Variants in ACSF3 observed in about 807,000 individuals in gnomAD.
The protein encoded by ACSF3 is malonate--CoA ligase ACSF3, mitochondrial.
Under a neutral mutation model 53.2 loss-of-function variants are expected in ACSF3, and 78 were observed. The ratio of observed to expected loss-of-function variants is 1.47; its 90% CI spans 1.22 to 1.77. The LOEUF is 1.77. Ranked by LOEUF, ACSF3 falls within the 40% of genes most tolerant of loss-of-function variation. ACSF3 has a pLI of 0.00. For synonymous variants in ACSF3, 414 were observed against 333.1 expected (o/e 1.24, Z -2.65); for missense variants, 937 against 771.1 (o/e 1.22, Z -2.55).
chr16:89,101,297 A>G lies in ACSF3; in HGVS notation c.616A>G (p.Thr206Ala), dbSNP rs1158285730. 1.9e-6 allele frequency: 3 copies of G among 1,602,800 alleles called. No individual in the cohort carries two copies. The highest frequency in any genetic ancestry group is 2.6e-6 in the Non-Finnish European group (3 of 1,175,230). ...GAMIIYTSGT[T>A]GRPKGVLSTH... ...CATGATCATCTACACCAGTGGGACCACGGGGAGGCCCAAGGGCGTGCTGAG... is the reference window on the plus strand; with the variant it reads ...CATGATCATCTACACCAGTGGGACCGCGGGGAGGCCCAAGGGCGTGCTGAG... The change falls in exon 3 of 11, where the codon ACG becomes GCG. Residue 206 changes from threonine to alanine, a missense_variant. Physicochemically the swap from Thr to Ala is moderately conservative, Grantham distance 58. Coordinates refer to ENST00000614302, the MANE Select transcript of ACSF3 (RefSeq NM_001243279.3).
intron 4 of ACSF3, among the ~76,000 whole-genome samples, chr16:89,103,766 C>G (rs545978505): frequency 2.6e-5 from 4 of 152,224 alleles, no homozygotes; most frequent in Admixed American, 2.0e-4. Context: ...TGTGGAGTCT[C>G]TGTCTCCCCT....
At chr16:89,097,789 T>C (rs1294124753) in intron 1 of ACSF3, among the ~76,000 whole-genome samples, 2 of 152,224 alleles carry the variant, frequency 1.3e-5, no homozygotes, top group East Asian at 3.9e-4. Flanking sequence ...TTCTAGAACA[T>C]GGGTGCCTCG....
chr16:89,154,831 A>G lies in ACSF3; in HGVS notation c.*624A>G, dbSNP rs950653397. The G allele has an allele frequency of 6.6e-6, 3 of 453,948 alleles. No homozygotes were observed. The highest frequency in any genetic ancestry group is 2.0e-5 in the African/African-American group (1 of 49,970). The allele number at this position is 453,948 out of a possible 1,614,324, so 28.1% of individuals were successfully genotyped here. A position where few individuals can be genotyped will look rare whatever the true frequency, so the allele number is the denominator to read the frequency against. Reference sequence around the variant, plus strand: ...TGCACACTACTGTGTGTCCATCAGCATGTGTCACAGAAAGTGCGTGGACGG... The same window carrying G: ...TGCACACTACTGTGTGTCCATCAGCGTGTGTCACAGAAAGTGCGTGGACGG... On this transcript the variant is annotated 3_prime_UTR_variant, in exon 11 of 11. Coordinates refer to ENST00000614302, the MANE Select transcript of ACSF3 (RefSeq NM_001243279.3).
chr16:89,110,321 T>A (rs1476230265), intron 4 of ACSF3, among the ~76,000 whole-genome samples: 1 of 152,196 alleles, frequency 6.6e-6, no homozygotes, highest in Admixed American at 6.5e-5. Flanking sequence ...TGGGTTAATT[T>A]TGCATATGGT....
intron 8 of ACSF3, among the ~76,000 whole-genome samples, chr16:89,142,393 G>T (rs963414060): frequency 1.3e-5 from 2 of 152,152 alleles, no homozygotes; most frequent in African/African-American, 4.8e-5. Context: ...AGAGAGGATG[G>T]GCAGATACTC....
rs1906485928 is a variant in ACSF3 at position 89,120,905 on chromosome 16, G to C, written c.1231G>C (p.Gly411Arg). 2 of 1,613,858 alleles carry C rather than the reference G, an allele frequency of 1.2e-6. No homozygotes were observed. The highest frequency in any genetic ancestry group is 1.7e-6 in the Non-Finnish European group (2 of 1,179,928). The stretch of plus-strand genomic sequence containing the variant: ...CATCCACGCAGAGGGAGACGAGAGG[G>C]GGACCAAGGTAAGCCACTCTGCTCT... ...YTIHAEGDER[G>R]TKVTPGFEEK... is the part of the protein sequence containing the mutation. The change falls in exon 7 of 11, where the codon GGG becomes CGG. Residue 411 changes from glycine (G) to arginine (R), a missense_variant. Gly to Arg is a moderately radical substitution (Grantham distance 125, BLOSUM62 -2). Transcript: ENST00000614302.
chr16:89,112,021 G>A (rs1372753944), intron 4 of ACSF3, 71 bp from the exon 5 acceptor site: 7 of 1,560,692 alleles, frequency 4.5e-6, no homozygotes, highest in Non-Finnish European at 6.2e-6. Flanking sequence ...GCTGTGCCTG[G>A]AGCCAGGAGC....
In ACSF3 at chr16:89,098,766, G is replaced by A. The variant is rs1224733070; in HGVS notation, c.-21+3G>A. 2 of 454,062 alleles carry A rather than the reference G, an allele frequency of 4.4e-6. No individual in the cohort carries two copies. Among genetic ancestry groups the A allele is most frequent in the African/African-American group, 2.0e-5 (1 of 50,020 alleles). The allele number at this position is 454,062 out of a possible 1,614,324, so 28.1% of individuals were successfully genotyped here. A position where few individuals can be genotyped will look rare whatever the true frequency, so the allele number is the denominator to read the frequency against. ...CCTCTCTCTGGCTCGGGAGCTGGGT[G>A]AGTTTGAACTTGGCCTCCTTTGCTT... On this transcript the variant is annotated splice_donor_region_variant and intron_variant, in intron 2 of 10. Transcript: ENST00000614302.
chr16:89,126,319 A>T (rs1266998514), intron 7 of ACSF3, among the ~76,000 whole-genome samples: 2 of 151,870 alleles, frequency 1.3e-5, no homozygotes, highest in African/African-American at 4.8e-5. Context: ...CCCAGGCTGG[A>T]GTGTAGTGGT....
chr16:89,145,098 C>G, intron 8 of ACSF3, 169 bp from the exon 9 acceptor site: 1 of 1,560,160 alleles, frequency 6.4e-7, no homozygotes, highest in South Asian at 1.2e-5. Flanking sequence ...GTGGGCTTAC[C>G]TGGCATAGCT....
rs369499144 is a variant in ACSF3, at chr16:89,100,827, G to A, written c.146G>A (p.Arg49His). The A allele has an allele frequency of 9.9e-6, 16 of 1,613,258 alleles. No individual in the cohort carries two copies. Among genetic ancestry groups the A allele is most frequent in the African/African-American group, 2.7e-5 (2 of 75,070 alleles). ...GACAGGAGCGCCCCGGTGTTCACCC[G>A]TGCCCTGGCCTTTGGGGACAGAATC... Reference protein sequence around the residue: ...RSDRSAPVFTRALAFGDRIAL... With the variant: ...RSDRSAPVFTHALAFGDRIAL... Residue 49 changes from arginine (R) to histidine (H), a missense_variant, in exon 3 of 11, where the codon CGT becomes CAT. Physicochemically the swap from Arg to His is conservative, Grantham distance 29. Transcript: ENST00000614302.
chr16:89,100,931 A>C lies in ACSF3; in HGVS notation c.250A>C (p.Arg84=). 3 of 1,613,864 alleles carry C rather than the reference A, an allele frequency of 1.9e-6. No individual in the cohort carries two copies. The highest frequency in any genetic ancestry group is 2.5e-6 in the Non-Finnish European group (3 of 1,180,040). Residue 84 remains arginine, a synonymous_variant, in exon 3 of 11, where the codon AGG becomes CGG. Coordinates refer to ENST00000614302, the MANE Select transcript of ACSF3 (RefSeq NM_001243279.3). ...CCTTCGCCTGTCCCAGGAGATCTGC[A>C]GGCTCTGCGGGTGTGTCGGCGGGGA... is the stretch of plus-strand genomic sequence containing the variant. ...RSLRLSQEIC[R]LCGCVGGDLR...
intron 10 of ACSF3, chr16:89,151,676 C>T (rs549233906): frequency 5.2e-5 from 9 of 173,548 alleles, no homozygotes; most frequent in Non-Finnish European, 7.3e-5. Flanking sequence ...GCACGATCTC[C>T]GCTCACTGCA....
intron 6 of ACSF3, among the ~76,000 whole-genome samples, chr16:89,119,866 TGACCCTC>T (rs1211672138): frequency 6.6e-6 from 1 of 152,232 alleles, no homozygotes; most frequent in African/African-American, 2.4e-5. Flanking sequence ...TTCACTGCAC[TGACCCTC>T]GATGCTGACC....
chr16:89,150,952 G>T (rs1435704943), intron 10 of ACSF3: 1 of 1,272,384 alleles, frequency 7.9e-7, no homozygotes, highest in East Asian at 5.6e-5. Flanking sequence ...CTGTCTAATG[G>T]GAGTTCCAAC....
Position 89,151,707 on chromosome 16 carries a change from A to G in ACSF3, c.1614-2383A>G, listed in dbSNP as rs550331839. On this transcript the variant is annotated intron_variant, in intron 10 of 10. Transcript: ENST00000614302. ...CTGCAACCTCCAGCTCCCAGGTTCA[A>G]GTGATTCTCCTGCCTCAGCCTCCTG... 1.2e-4 allele frequency: 19 copies of G among 161,864 alleles called. 1 individual carries two copies. The Middle Eastern group carries it at 0.013, about 110-fold the overall frequency. The allele number at this position is 161,864 out of a possible 1,614,324, so 10.0% of individuals were successfully genotyped here.
At chr16:89,115,678 C>T (rs1017498654) in intron 6 of ACSF3, among the ~76,000 whole-genome samples, 16 of 152,258 alleles carry the variant, frequency 1.1e-4, no homozygotes, top group Non-Finnish European at 1.9e-4. Flanking sequence ...AGCTTTCAAG[C>T]TGTTCTCCAG....
intron 6 of ACSF3, among the ~76,000 whole-genome samples, chr16:89,115,841 A>G (rs1049318845): frequency 1.1e-4 from 16 of 152,208 alleles, no homozygotes; most frequent in African/African-American, 3.9e-4. Flanking sequence ...TCCGTTTTCA[A>G]CTGGGGCCTT....
chr16:89,154,077 C>T lies in ACSF3; in HGVS notation c.1614-13C>T. 2 of 1,611,348 alleles carry T rather than the reference C, an allele frequency of 1.2e-6. No homozygotes were observed. The highest frequency in any genetic ancestry group is 1.7e-6 in the Non-Finnish European group (2 of 1,178,972). On this transcript the variant is annotated splice_polypyrimidine_tract_variant and intron_variant, in intron 10 of 10. Transcript: ENST00000614302. Reference sequence around the variant, plus strand: ...TCAGGGCAGTGCGCCTCAGGCTGTGCTTGTCTCTGCAGAAATGTCCTGGCC... The same window carrying T: ...TCAGGGCAGTGCGCCTCAGGCTGTGTTTGTCTCTGCAGAAATGTCCTGGCC...
Sources: allele counts gnomAD v4.1 joint callset (sites outside exome capture counted in the v4.1 genomes callset), GRCh38; gene constraint gnomAD v4.1.1; transcripts MANE v1.5; gene names NCBI Gene and HGNC (gene_info 2026-07-23, HGNC 2026-07-21).